KCNQ3: variants seen among roughly 807,000 people sequenced by gnomAD.
KCNQ3 encodes the protein potassium voltage-gated channel subfamily KQT member 3.
KCNQ3 carries 30 observed loss-of-function variants against 92.5 expected under a neutral mutation model. The ratio of observed to expected loss-of-function variants is 0.32; its 90% CI spans 0.24 to 0.44. KCNQ3 has a LOEUF of 0.44. KCNQ3 is among the 20% of genes least tolerant of loss of function. The probability of loss-of-function intolerance (pLI) is 1.00; values close to 1 mark genes in which losing one functional copy is unlikely to be tolerated. For synonymous variants in KCNQ3, 450 were observed against 468.8 expected (o/e 0.96, Z 0.52); for missense variants, 913 against 1,140.3 (o/e 0.80, Z 2.87).
At chr8:132,302,370 G>C (rs1817241314) in intron 1 of KCNQ3, among the ~76,000 whole-genome samples, 1 of 152,212 alleles carries the variant, frequency 6.6e-6, no homozygotes, top group Non-Finnish European at 1.5e-5. Context: ...CAATGGTCAG[G>C]CAGAGCAGTG....
chr8:132,393,334 G>C (rs1185463554), intron 1 of KCNQ3, among the ~76,000 whole-genome samples: 1 of 152,162 alleles, frequency 6.6e-6, no homozygotes, highest in African/African-American at 2.4e-5. Flanking sequence ...ACAGGGATTG[G>C]CAAACTTCTC....
chr8:132,144,580 G>T (rs1825396898), intron 9 of KCNQ3, among the ~76,000 whole-genome samples: 1 of 152,204 alleles, frequency 6.6e-6, no homozygotes, highest in Non-Finnish European at 1.5e-5. Context: ...TGTAAAAACT[G>T]CAAATAGGTG....
At chr8:132,160,837 A>G (rs1158030349) in intron 9 of KCNQ3, among the ~76,000 whole-genome samples, 3 of 151,892 alleles carry the variant, frequency 2.0e-5, no homozygotes, top group Admixed American at 6.5e-5. Context: ...AAAAGAGCCA[A>G]CTTCTACCGT....
At chr8:132,274,566 C>T (rs1271697626) in intron 1 of KCNQ3, among the ~76,000 whole-genome samples, 4 of 152,152 alleles carry the variant, frequency 2.6e-5, no homozygotes, top group African/African-American at 9.7e-5. Context: ...GTGCTCCCCT[C>T]CTTGAGCCTC....
chr8:132,134,183 A>AGAG lies in KCNQ3; in HGVS notation c.1799+104_1799+106dup. 3 of 823,160 alleles carry AGAG rather than the reference A, an allele frequency of 3.6e-6. No homozygotes were observed. In the South Asian group the frequency reaches 4.1e-5, roughly 11 times the overall value. The allele number at this position is 823,160 out of a possible 1,614,324, so 51.0% of individuals were successfully genotyped here. A position where few individuals can be genotyped will look rare whatever the true frequency, so the allele number is the denominator to read the frequency against. On this transcript the variant is annotated intron_variant, in intron 13 of 14. Coordinates refer to ENST00000388996, the MANE Select transcript of KCNQ3 (RefSeq NM_004519.4). The stretch of plus-strand genomic sequence containing the variant: ...AAACTCTTTCTTCATTTTACTTAGG[A>AGAG]GAGTGACAACTTCACCCACATAAAG...
chr8:132,132,311 C>T, intron 13 of KCNQ3, 47 bp from the exon 14 acceptor site: 1 of 1,489,428 alleles, frequency 6.7e-7, no homozygotes, highest in Non-Finnish European at 9.4e-7. Flanking sequence ...TCTATTTTTG[C>T]TATGCAAGGT....
chr8:132,274,293 A>G lies in KCNQ3; in HGVS notation c.387-88112T>C, dbSNP rs149709341. Among the ~76,000 whole-genome samples the G allele has an allele frequency of 3.2e-4, 49 of 152,354 alleles. 1 individual carries two copies. Among genetic ancestry groups the G allele is most frequent in the Non-Finnish European group, 2.9e-5 (2 of 68,034 alleles). ...GCAGGCAAAAAGAGAGAGCTTATGC[A>G]TAGGAACTCCTCTTTTTAAAATCTT... On this transcript the variant is annotated intron_variant, in intron 1 of 14. Transcript: ENST00000388996.
intron 1 of KCNQ3, among the ~76,000 whole-genome samples, chr8:132,424,261 C>T (rs571880261): frequency 2.6e-4 from 39 of 152,218 alleles, no homozygotes; most frequent in African/African-American, 7.5e-4. Flanking sequence ...ACGTGCCCCC[C>T]ACCCCAGCCC....
intron 1 of KCNQ3, among the ~76,000 whole-genome samples, chr8:132,369,249 T>G (rs568175184): frequency 6.6e-6 from 1 of 152,326 alleles, no homozygotes; most frequent in South Asian, 2.1e-4. Flanking sequence ...GGTTTCTGTA[T>G]ATGAAGCGAC....
chr8:132,374,896 A>C (rs1017195966), intron 1 of KCNQ3, among the ~76,000 whole-genome samples: 1 of 152,148 alleles, frequency 6.6e-6, no homozygotes, highest in Non-Finnish European at 1.5e-5. Context: ...CATCGTGTAT[A>C]TGTACCACAT....
chr8:132,182,882 G>GCACA (rs3993055), intron 3 of KCNQ3, among the ~76,000 whole-genome samples: 4,054 of 146,050 alleles, frequency 0.028, 87 homozygotes, highest in African/African-American at 0.062. Context: ...CTCCAATATC[G>GCACA]CACACACACA....
chr8:132,462,986 C>T (rs898683795), intron 1 of KCNQ3, among the ~76,000 whole-genome samples: 1 of 152,152 alleles, frequency 6.6e-6, no homozygotes, highest in African/African-American at 2.4e-5. Context: ...TCATTCAAGA[C>T]ACACATACAC....
chr8:132,265,080 A>G (rs1815937573), intron 1 of KCNQ3, among the ~76,000 whole-genome samples: 1 of 107,814 alleles, frequency 9.3e-6, no homozygotes, highest in Admixed American at 1.1e-4. Flanking sequence ...TAGGGCTGCT[A>G]AAAGGACTGC....
At chr8:132,324,211 T>C (rs889296054) in intron 1 of KCNQ3, among the ~76,000 whole-genome samples, 4 of 152,198 alleles carry the variant, frequency 2.6e-5, no homozygotes, top group African/African-American at 7.2e-5. Flanking sequence ...CCCGTCAGCA[T>C]GGTCAGTTCA....
chr8:132,129,367 C>G lies in KCNQ3; in HGVS notation c.2514G>C (p.Thr838=), dbSNP rs568466967. ...REKRYLAEGE[T]DTDTDPFTPS... ...GCGTGAAGGGGTCCGTGTCTGTGTCCGTCTCACCCTCGGCGAGGTACCGCT... is the reference window on the plus strand; with the variant it reads ...GCGTGAAGGGGTCCGTGTCTGTGTCGGTCTCACCCTCGGCGAGGTACCGCT... Residue 838 remains threonine (T), a synonymous_variant, in exon 15 of 15, where the codon ACG becomes ACC. Coordinates refer to ENST00000388996, the MANE Select transcript of KCNQ3 (RefSeq NM_004519.4). This position sits in a 1 kb window ranked among gnomAD's most constrained non-coding sequence, Gnocchi z 5.9. The G allele has an allele frequency of 5.0e-6, 8 of 1,614,196 alleles. No individual in the cohort carries two copies. In the Admixed American group the frequency reaches 1.3e-4, roughly 27 times the overall value.
At chr8:132,260,381 A>G (rs1302107486) in intron 1 of KCNQ3, among the ~76,000 whole-genome samples, 1 of 152,198 alleles carries the variant, frequency 6.6e-6, no homozygotes, top group East Asian at 1.9e-4. Context: ...ACTTTGTTCT[A>G]TGAGCTGGGA....
intron 1 of KCNQ3, among the ~76,000 whole-genome samples, chr8:132,391,534 A>G (rs1291489246): frequency 2.0e-5 from 3 of 152,194 alleles, no homozygotes; most frequent in South Asian, 2.1e-4. Context: ...TGCAGGCTGA[A>G]CTGGATTTTG....
intron 1 of KCNQ3, among the ~76,000 whole-genome samples, chr8:132,307,114 A>C (rs1817449403): frequency 6.6e-6 from 1 of 152,212 alleles, no homozygotes; most frequent in Non-Finnish European, 1.5e-5. Context: ...AGCTGAAATC[A>C]AAGAGATGAA....
chr8:132,280,770 A>C (rs559436388), intron 1 of KCNQ3, among the ~76,000 whole-genome samples: 3 of 152,306 alleles, frequency 2.0e-5, no homozygotes, highest in South Asian at 4.1e-4. Context: ...AGAAGGTGGA[A>C]ATGAGTTAAT....
Sources: allele counts gnomAD v4.1 joint callset (sites outside exome capture counted in the v4.1 genomes callset), GRCh38; gene constraint gnomAD v4.1.1; non-coding constraint Gnocchi (gnomAD v3.1); transcripts MANE v1.5; gene names NCBI Gene and HGNC (gene_info 2026-07-23, HGNC 2026-07-21).